Variants in CERS3 observed in about 807,000 individuals in gnomAD.
CERS3 encodes ceramide synthase 3.
In CERS3, 33 loss-of-function variants were observed where a neutral mutation model predicts 50.3. The ratio of observed to expected loss-of-function variants is 0.66; its 90% CI spans 0.50 to 0.88. The LOEUF is 0.88. Ranked by LOEUF, CERS3 falls within the 40% of genes least tolerant of loss-of-function variation. The pLI is 0.00. For synonymous variants in CERS3, 176 were observed against 155.2 expected, an observed-to-expected ratio of 1.13 and a Z score of -0.99; for missense variants, 470 against 460.3, an observed-to-expected ratio of 1.02 and a Z score of -0.19.
At chr15:100,483,781 A>ATT (rs1267906519) in intron 5 of CERS3, among the ~76,000 whole-genome samples, 8,961 of 76,828 alleles carry the variant, frequency 0.12, 861 homozygotes, top group South Asian at 0.2. Context: ...AATAATTATT[A>ATT]TTATTATTTT....
chr15:100,495,049 A>C (rs1212290330), intron 3 of CERS3, among the ~76,000 whole-genome samples: 3 of 152,224 alleles, frequency 2.0e-5, no homozygotes, highest in Non-Finnish European at 4.4e-5. Flanking sequence ...ACCCTCAGGG[A>C]AAAGGCTTTT....
At chr15:100,460,681 C>T (rs2034520962) in intron 10 of CERS3, among the ~76,000 whole-genome samples, 1 of 152,224 alleles carries the variant, frequency 6.6e-6, no homozygotes, top group Non-Finnish European at 1.5e-5. Flanking sequence ...TTTCCAAAGG[C>T]CGTGGCCAGG....
At chr15:100,532,757 G>A (rs1431537602), upstream of CERS3, among the ~76,000 whole-genome samples, 2 of 152,260 alleles carry the variant, frequency 1.3e-5, no homozygotes, top group East Asian at 1.9e-4. Context: ...AGACCAAACT[G>A]CATTCTTTAA....
intron 11 of CERS3, among the ~76,000 whole-genome samples, chr15:100,434,720 C>T (rs2033309882): frequency 6.6e-6 from 1 of 152,158 alleles, no homozygotes; most frequent in African/African-American, 2.4e-5. Context: ...TAATAAAACT[C>T]TCATATCCTG....
chr15:100,421,176 A>G (rs2032398902), intron 11 of CERS3, among the ~76,000 whole-genome samples: 1 of 151,758 alleles, frequency 6.6e-6, no homozygotes, highest in African/African-American at 2.4e-5. Flanking sequence ...TTGTATATCT[A>G]GAAAACCCCA....
In CERS3 at chr15:100,544,296, G is replaced by C. The variant is rs537522118; in HGVS notation, c.-355+355C>G. Reference sequence around the variant, plus strand: ...CCAGTACACGGGGGCTGCCGCGAGCGGGGAGCGCGACTGGGCCCCAGGACA... The same window carrying C: ...CCAGTACACGGGGGCTGCCGCGAGCCGGGAGCGCGACTGGGCCCCAGGACA... On this transcript the variant is annotated intron_variant, in intron 1 of 12. Coordinates refer to the CERS3 transcript ENST00000284382. 3 of 152,494 alleles carry C rather than the reference G, an allele frequency of 2.0e-5. No homozygotes were observed. In the South Asian group the frequency reaches 6.2e-4, roughly 32 times the overall value. 9.4% of individuals were successfully genotyped at this position (152,494 alleles called of 1,614,324 possible). A position where few individuals can be genotyped will look rare whatever the true frequency, so the allele number is the denominator to read the frequency against.
At chr15:100,483,778 A>ATTTTTTTTTTT (rs1300648690) in intron 5 of CERS3, among the ~76,000 whole-genome samples, 14 of 59,128 alleles carry the variant, frequency 2.4e-4, no homozygotes, top group East Asian at 1.7e-3. Flanking sequence ...AATAATAATT[A>ATTTTTTTTTTT]TTATTATTAT....
intron 11 of CERS3, among the ~76,000 whole-genome samples, chr15:100,413,733 T>C (rs1193474765): frequency 6.8e-6 from 1 of 146,824 alleles, no homozygotes; most frequent in Non-Finnish European, 1.5e-5. Context: ...TGGCAGCATC[T>C]AGTAAATTTA....
At chr15:100,519,125 C>T (rs2036573416) in intron 2 of CERS3, among the ~76,000 whole-genome samples, 1 of 151,524 alleles carries the variant, frequency 6.6e-6, no homozygotes. Context: ...CGTCACTGTA[C>T]TCCAGCCTGG....
At chr15:100,432,727 G>C (rs1328968959) in intron 11 of CERS3, among the ~76,000 whole-genome samples, 3 of 152,156 alleles carry the variant, frequency 2.0e-5, no homozygotes, top group Non-Finnish European at 2.9e-5. Flanking sequence ...ACGTTCGAAA[G>C]AGTTGTATGT....
At chr15:100,475,091 T>G (rs534884600) in intron 8 of CERS3, among the ~76,000 whole-genome samples, 2 of 152,332 alleles carry the variant, frequency 1.3e-5, no homozygotes, top group South Asian at 4.1e-4. Context: ...AATGATTATT[T>G]TCAATTCTAT....
At chr15:100,495,178 T>C (rs898741332) in intron 3 of CERS3, among the ~76,000 whole-genome samples, 1 of 152,226 alleles carries the variant, frequency 6.6e-6, no homozygotes, top group African/African-American at 2.4e-5. Context: ...TGAAGGAGCT[T>C]CTACTCTGTT....
intron 11 of CERS3, among the ~76,000 whole-genome samples, chr15:100,420,692 T>G (rs1457963484): frequency 6.6e-6 from 1 of 151,286 alleles, no homozygotes; most frequent in Admixed American, 6.6e-5. Flanking sequence ...AATAAAATAC[T>G]GGCAAAACGA....
rs60829910 is a variant in CERS3 at position 100,518,146 on chromosome 15, T to C, written c.-2+3521A>G. Among the ~76,000 whole-genome samples the C allele has an allele frequency of 8.5e-3, 1,298 of 152,314 alleles. 23 individuals carry two copies. The highest frequency in any genetic ancestry group is 0.029 in the African/African-American group (1,221 of 41,576). ...AAGGCTAGTCTTTTCTGTCTAGCCC[T>C]GTCTAATGCAAGAATCCTCTTAAAG... On this transcript the variant is annotated intron_variant, in intron 2 of 11. Transcript: ENST00000679737.
chr15:100,515,255 C>G (rs898357082), intron 2 of CERS3, among the ~76,000 whole-genome samples: 4 of 152,210 alleles, frequency 2.6e-5, no homozygotes, highest in South Asian at 2.1e-4. Flanking sequence ...CTCACACAAA[C>G]AGCTAACTAT....
intron 11 of CERS3, among the ~76,000 whole-genome samples, chr15:100,417,521 C>T (rs1405610232): frequency 2.6e-5 from 4 of 151,954 alleles, no homozygotes; most frequent in Admixed American, 6.5e-5. Context: ...CCCGCCATTG[C>T]CCAGGCTTGC....
chr15:100,516,251 A>G (rs2036484561), intron 2 of CERS3, among the ~76,000 whole-genome samples: 1 of 152,188 alleles, frequency 6.6e-6, no homozygotes, highest in African/African-American at 2.4e-5. Context: ...ACAAACCAAA[A>G]TGAGTGAATG....
chr15:100,485,836 C>T (rs766574311), intron 4 of CERS3, among the ~76,000 whole-genome samples: 1 of 152,104 alleles, frequency 6.6e-6, no homozygotes, highest in Non-Finnish European at 1.5e-5. Flanking sequence ...TGTACTCCAG[C>T]CTGGGCGACA....
intron 1 of CERS3, among the ~76,000 whole-genome samples, chr15:100,524,418 G>C (rs79815141): frequency 6.6e-6 from 1 of 152,154 alleles, no homozygotes; most frequent in Non-Finnish European, 1.5e-5. Context: ...GAAAAGCTCT[G>C]AAGTTTTACT....
Sources: allele counts gnomAD v4.1 joint callset (sites outside exome capture counted in the v4.1 genomes callset), GRCh38; gene constraint gnomAD v4.1.1; transcripts MANE v1.5; gene names NCBI Gene and HGNC (gene_info 2026-07-23, HGNC 2026-07-21).